Variants in SLC35F4 observed in about 807,000 individuals in gnomAD.
SLC35F4 encodes solute carrier family 35 member F4, also known as chromosome 14 open reading frame 36.
SLC35F4 carries 24 observed loss-of-function variants against 44.2 expected under a neutral mutation model. The ratio of observed to expected loss-of-function variants is 0.54; its 90% confidence interval spans 0.39 to 0.76. The LOEUF is 0.76. SLC35F4 is among the 30% of genes least tolerant of loss of function. The pLI is 0.00. For synonymous variants in SLC35F4, 238 were observed against 223.6 expected (o/e 1.06, Z -0.57); for missense variants, 562 against 586.1 (o/e 0.96, Z 0.42).
At chr14:57,723,286 G>T (rs556514259) in intron 1 of SLC35F4, among the ~76,000 whole-genome samples, 1 of 152,350 alleles carries the variant, frequency 6.6e-6, no homozygotes, top group African/African-American at 2.4e-5. Flanking sequence ...TTGGCTCCCT[G>T]ACTGGTATTA....
At chr14:57,573,517 G>A (rs769295661) in intron 4 of SLC35F4, among the ~76,000 whole-genome samples, 3 of 152,040 alleles carry the variant, frequency 2.0e-5, no homozygotes, top group Non-Finnish European at 4.4e-5. Flanking sequence ...TAGGTGTCAA[G>A]GAGATTTCTA....
chr14:57,813,292 A>G (rs1284921224), intron 1 of SLC35F4, among the ~76,000 whole-genome samples: 1 of 152,200 alleles, frequency 6.6e-6, no homozygotes, highest in Non-Finnish European at 1.5e-5. Flanking sequence ...TAATACTTAT[A>G]AAAAGTACTT....
chr14:57,870,618 G>A (rs942637425), upstream of SLC35F4, among the ~76,000 whole-genome samples: 3 of 152,058 alleles, frequency 2.0e-5, no homozygotes, highest in Admixed American at 2.0e-4. Flanking sequence ...CTGTAAAATG[G>A]GCTCATACTC....
At chr14:57,596,764 A>G (rs2070514570) in intron 1 of SLC35F4, 1 of 1,362,324 alleles carries the variant, frequency 7.3e-7, no homozygotes, top group Non-Finnish European at 9.8e-7. Flanking sequence ...TTCCTTTCTC[A>G]TTTTCACTAA....
At chr14:57,623,629 G>A (rs2140102420) in intron 1 of SLC35F4, among the ~76,000 whole-genome samples, 1 of 152,254 alleles carries the variant, frequency 6.6e-6, no homozygotes. Flanking sequence ...AATCAAATTA[G>A]AACTCAGGAT....
chr14:57,619,900 A>G (rs1045091245), intron 1 of SLC35F4, among the ~76,000 whole-genome samples: 1 of 152,084 alleles, frequency 6.6e-6, no homozygotes, highest in African/African-American at 2.4e-5. Flanking sequence ...AAGCATATAA[A>G]GTATCAACAG....
intron 1 of SLC35F4, among the ~76,000 whole-genome samples, chr14:57,737,682 T>C (rs145706128): frequency 1.9e-4 from 29 of 152,336 alleles, no homozygotes; most frequent in African/African-American, 6.5e-4. Context: ...TGTAGTATCA[T>C]AGTCCACATT....
intron 1 of SLC35F4, among the ~76,000 whole-genome samples, chr14:57,915,580 C>T (rs1161985674): frequency 6.6e-6 from 1 of 152,134 alleles, no homozygotes; most frequent in Non-Finnish European, 1.5e-5. Context: ...GTGACTTCCA[C>T]CCGATATACT....
At chr14:57,945,438 A>G (rs1435344034) in intron 1 of SLC35F4, among the ~76,000 whole-genome samples, 1 of 75,380 alleles carries the variant, frequency 1.3e-5, no homozygotes, top group African/African-American at 7.7e-5. Context: ...GAGCAATGAT[A>G]ATGTGTGTGT....
chr14:57,641,770 G>C (rs960552389), intron 1 of SLC35F4, among the ~76,000 whole-genome samples: 1 of 151,996 alleles, frequency 6.6e-6, no homozygotes, highest in South Asian at 2.1e-4. Flanking sequence ...AGAATACTTT[G>C]TATTAATAGG....
intron 1 of SLC35F4, among the ~76,000 whole-genome samples, chr14:57,672,786 T>A (rs1038389104): frequency 9.0e-5 from 2 of 22,242 alleles, no homozygotes; most frequent in Admixed American, 2.9e-4. Flanking sequence ...TTATTTTATT[T>A]TTTTTTTTTC....
chr14:57,803,645 G>A (rs555554261), intron 1 of SLC35F4, among the ~76,000 whole-genome samples: 12 of 131,080 alleles, frequency 9.2e-5, no homozygotes, highest in South Asian at 7.5e-4. Flanking sequence ...ACTGGGGTAC[G>A]AAGGCACGAT....
chr14:57,830,176 C>T (rs1251689568), intron 1 of SLC35F4, among the ~76,000 whole-genome samples: 1 of 152,066 alleles, frequency 6.6e-6, no homozygotes, highest in African/African-American at 2.4e-5. Context: ...GTTTATGTAG[C>T]ATTATTTCCT....
intron 1 of SLC35F4, among the ~76,000 whole-genome samples, chr14:57,732,184 T>G (rs1237156518): frequency 1.3e-5 from 2 of 152,200 alleles, no homozygotes; most frequent in Non-Finnish European, 2.9e-5. Context: ...CTTTATTTTT[T>G]GAAAAATAAC....
chr14:57,977,619 C>A (rs1210302580), intron 1 of SLC35F4, among the ~76,000 whole-genome samples: 1 of 152,164 alleles, frequency 6.6e-6, no homozygotes, highest in Non-Finnish European at 1.5e-5. Context: ...AACTCAAGCA[C>A]GTTCCAAAGG....
intron 1 of SLC35F4, among the ~76,000 whole-genome samples, chr14:57,884,469 T>C (rs1320565443): frequency 6.6e-6 from 1 of 152,200 alleles, no homozygotes; most frequent in Non-Finnish European, 1.5e-5. Flanking sequence ...ATATTTCGTT[T>C]CTTTTTCATT....
intron 1 of SLC35F4, among the ~76,000 whole-genome samples, chr14:57,919,485 T>C (rs569720918): frequency 2.9e-4 from 44 of 152,306 alleles, no homozygotes; most frequent in Non-Finnish European, 5.4e-4. Context: ...GTTTTTCTGA[T>C]TTCCCATCAT....
At chr14:57,580,426 A>G in intron 4 of SLC35F4, 1 of 220,714 alleles carries the variant, frequency 4.5e-6, no homozygotes, top group East Asian at 1.4e-4. Flanking sequence ...GAGAAAAGGC[A>G]ATTCATTTAT....
At position 57,564,395 on chromosome 14, in the gene SLC35F4, G is replaced by A. The variant is rs778997307; in HGVS notation, c.1217-19C>T. 10 of 1,591,468 alleles carry A rather than the reference G, an allele frequency of 6.3e-6. No homozygotes were observed. The highest frequency in any genetic ancestry group is 8.6e-6 in the Non-Finnish European group (10 of 1,167,876). ...TCCACAGCTAGGAAAGAAAAATCAA[G>A]TCAGTCATTTCCTATGCCTGTTTCT... On this transcript the variant is annotated intron_variant, in intron 7 of 7. Transcript: ENST00000556826.
Sources: allele counts gnomAD v4.1 joint callset (sites outside exome capture counted in the v4.1 genomes callset), GRCh38; gene constraint gnomAD v4.1.1; transcripts MANE v1.5; gene names NCBI Gene and HGNC (gene_info 2026-07-23, HGNC 2026-07-21).